The following GOLGA5 variants were observed in gnomAD, a reference collection of about 807,000 sequenced individuals.
GOLGA5 encodes the protein golgin A5, also known as golgin subfamily A member 5.
A neutral mutation model predicts 93.5 loss-of-function variants in GOLGA5; 50 were observed. That is an observed-to-expected ratio of 0.53 (90% CI 0.43 to 0.68). GOLGA5 has a LOEUF of 0.68. Ranked by LOEUF, GOLGA5 falls within the 30% of genes least tolerant of loss-of-function variation. GOLGA5 has a pLI of 0.00. For missense variants in GOLGA5, 760 were observed against 856.4 expected (o/e 0.89, Z 1.40); for synonymous variants, 312 against 304.5 (o/e 1.02, Z -0.26).
At position 92,816,425 on chromosome 14, in the gene GOLGA5, A is replaced by G; in HGVS notation, c.1491+4A>G. On this transcript the variant is annotated splice_donor_region_variant and intron_variant, in intron 7 of 12. Coordinates refer to ENST00000163416, the MANE Select transcript of GOLGA5 (RefSeq NM_005113.4). ...TCAGCTCAGATCCGAATTACAGGTA[A>G]GATTCATGGTGGTTCAGCTTAGTAG... 6.2e-7 allele frequency: 1 copy of G among 1,613,224 alleles called. No homozygotes were observed. The highest frequency in any genetic ancestry group is 8.5e-7 in the Non-Finnish European group (1 of 1,179,296).
At position 92,809,285 on chromosome 14, in the gene GOLGA5, T is replaced by G; in HGVS notation, c.773-15T>G. On this transcript the variant is annotated splice_polypyrimidine_tract_variant and intron_variant, in intron 3 of 12. Coordinates refer to ENST00000163416, the MANE Select transcript of GOLGA5 (RefSeq NM_005113.4). ...TTGGTTTTGCTTGTATAGAGAAATT[T>G]AAATTTTTTAATAGAATTAAACAAA... 1 of 1,566,408 alleles carries G rather than the reference T, an allele frequency of 6.4e-7. No homozygotes were observed. Among genetic ancestry groups the G allele is most frequent in the Non-Finnish European group, 8.8e-7 (1 of 1,139,056 alleles).
chr14:92,819,269 A>G (rs1885267218), intron 7 of GOLGA5, among the ~76,000 whole-genome samples: 1 of 152,176 alleles, frequency 6.6e-6, no homozygotes, highest in Admixed American at 6.5e-5. Context: ...TGAAGGTGTC[A>G]GGTTATATGC....
intron 6 of GOLGA5, among the ~76,000 whole-genome samples, chr14:92,812,142 C>T (rs745921920): frequency 1.3e-5 from 2 of 152,186 alleles, no homozygotes; most frequent in Non-Finnish European, 2.9e-5. Context: ...TCCTTCAGAT[C>T]TAAGGTGATC....
rs142072754 is a variant in GOLGA5 at position 92,835,565 on chromosome 14, G to T, written c.1952G>T (p.Arg651Leu). The T allele has an allele frequency of 6.2e-7, 1 of 1,607,184 alleles. No homozygotes were observed. Among genetic ancestry groups the T allele is most frequent in the Admixed American group, 1.7e-5 (1 of 59,950 alleles). ...TATTTTCTTATTTAAACAGGCACTC[G>T]TCTGCGAAATGTTCCTGTTCTTTTT... is the stretch of plus-strand genomic sequence containing the variant. Reference protein sequence around the residue: ...MSGIDNGEGTRLRNVPVLFND... With the variant: ...MSGIDNGEGTLLRNVPVLFND... The change falls in exon 11 of 13, where the codon CGT becomes CTT. Residue 651 changes from arginine (R) to leucine (L), a missense_variant. Coordinates refer to ENST00000163416, the MANE Select transcript of GOLGA5 (RefSeq NM_005113.4).
At position 92,806,083 on chromosome 14, in the gene GOLGA5, CTT is replaced by C. The variant is rs141293160; in HGVS notation, c.545-652_545-651del. 8.5e-3 allele frequency among the ~76,000 whole-genome samples: 1,287 copies of C among 151,414 alleles called. 16 individuals are homozygous for C. Among genetic ancestry groups the C allele is most frequent in the African/African-American group, 0.03 (1,227 of 41,218 alleles). On this transcript the variant is annotated intron_variant, in intron 2 of 12. Coordinates refer to ENST00000163416, the MANE Select transcript of GOLGA5 (RefSeq NM_005113.4). ...CTTCCCAATTTTTCAGTATTTGAGA[CTT>C]CTCCTGGTTTTTTTTCCCAAAAGCA...
intron 2 of GOLGA5, among the ~76,000 whole-genome samples, chr14:92,799,145 T>A (rs1884805250): frequency 6.6e-6 from 1 of 152,084 alleles, no homozygotes; most frequent in Non-Finnish European, 1.5e-5. Flanking sequence ...TTTTAAAAAA[T>A]TATTTTTAAT....
intron 9 of GOLGA5, 46 bp downstream of exon 9, chr14:92,824,690 G>T: frequency 1.0e-6 from 1 of 988,202 alleles, no homozygotes; most frequent in Non-Finnish European, 1.6e-6. Context: ...CACTGATAAA[G>T]CTACATTTTT....
In GOLGA5 at chr14:92,814,601, T is replaced by C. The variant is rs865802820; in HGVS notation, c.1321-1650T>C. Among the ~76,000 whole-genome samples the C allele has an allele frequency of 3.7e-4, 56 of 152,208 alleles. 1 individual carries two copies. Among genetic ancestry groups the C allele is most frequent in the Middle Eastern group, 6.8e-3 (2 of 294 alleles). On this transcript the variant is annotated intron_variant, in intron 6 of 12. Transcript: ENST00000163416. ...AATCTTAAAATGTTATAAATGATCA[T>C]GTTTATTATAGAAAATTTGAAGAAT...
intron 5 of GOLGA5, 72 bp downstream of exon 5, chr14:92,810,449 C>T: frequency 1.7e-5 from 19 of 1,140,538 alleles, no homozygotes; most frequent in Non-Finnish European, 2.3e-5. Flanking sequence ...TGTTTCATAG[C>T]ACATTAACTG....
intron 2 of GOLGA5, 107 bp downstream of exon 2, chr14:92,798,088 G>A: frequency 1.3e-6 from 1 of 758,520 alleles, no homozygotes; most frequent in Non-Finnish European, 2.2e-6. Flanking sequence ...GTCTCCACTG[G>A]TGTAAGGGCA....
At chr14:92,798,260 A>T (rs1595588261) in intron 2 of GOLGA5, among the ~76,000 whole-genome samples, 1 of 152,196 alleles carries the variant, frequency 6.6e-6, no homozygotes, top group African/African-American at 2.4e-5. Flanking sequence ...TTTTAAGATT[A>T]AAAAAAGAAA....
chr14:92,795,010 G>T (rs1884692110), intron 1 of GOLGA5, among the ~76,000 whole-genome samples: 1 of 152,252 alleles, frequency 6.6e-6, no homozygotes, highest in Non-Finnish European at 1.5e-5. Context: ...GACATTAATT[G>T]CAACATTAGT....
chr14:92,817,687 A>G (rs1169509993), intron 7 of GOLGA5, among the ~76,000 whole-genome samples: 1 of 152,186 alleles, frequency 6.6e-6, no homozygotes, highest in Non-Finnish European at 1.5e-5. Context: ...TCCATGCATT[A>G]ACTCTGCACA....
intron 2 of GOLGA5, among the ~76,000 whole-genome samples, chr14:92,799,287 TC>T (rs372718120): frequency 0.016 from 2,217 of 142,078 alleles, 158 homozygotes; most frequent in Middle Eastern, 0.067. Flanking sequence ...TTTTTTTTTT[TC>T]TTTTTTGAGA....
At chr14:92,807,744 TAAG>T (rs1885018811) in intron 3 of GOLGA5, among the ~76,000 whole-genome samples, 1 of 152,060 alleles carries the variant, frequency 6.6e-6, no homozygotes, top group African/African-American at 2.4e-5. Flanking sequence ...AATAGGTAAT[TAAG>T]AAGGAAATAA....
At chr14:92,821,218 C>G (rs958088698) in intron 8 of GOLGA5, among the ~76,000 whole-genome samples, 2 of 152,140 alleles carry the variant, frequency 1.3e-5, no homozygotes, top group African/African-American at 4.8e-5. Flanking sequence ...TTTCTAGGAA[C>G]AGCAGTAAAT....
At position 92,816,339 on chromosome 14, in the gene GOLGA5, AACTTCG is replaced by A. The variant is rs764832639; in HGVS notation, c.1410_1415del (p.Leu471_Arg472del). ...ACTGCCAGTAGCATGGAGCTGGAAG[AACTTCG>A]GCATGAGAAAGAGATGCAGAGGGAG... On this transcript the variant is annotated inframe_deletion, in exon 7 of 13. Transcript: ENST00000163416. 8.1e-6 allele frequency: 13 copies of A among 1,613,930 alleles called. No individual in the cohort carries two copies. Among genetic ancestry groups the A allele is most frequent in the Non-Finnish European group, 1.1e-5 (13 of 1,179,882 alleles).
chr14:92,803,207 G>C (rs1228644397), intron 2 of GOLGA5, among the ~76,000 whole-genome samples: 2 of 151,836 alleles, frequency 1.3e-5, no homozygotes, highest in African/African-American at 4.8e-5. Context: ...AGGTAATTTT[G>C]TTCATTTTTT....
rs191772722 is a variant in GOLGA5, at chr14:92,823,641, C to T, written c.1621-905C>T. Among the ~76,000 whole-genome samples, 4 of 152,102 alleles carry T rather than the reference C, an allele frequency of 2.6e-5. No individual in the cohort carries two copies. The East Asian group carries it at 7.7e-4, about 29-fold the overall frequency. ...TGTTGCTCAGGCTGGTCTTGAACTC[C>T]TGGACTCAAGCAATTCACCCACTTC... On this transcript the variant is annotated intron_variant, in intron 8 of 12. Transcript: ENST00000163416.
Sources: gnomAD v4.1 joint callset for allele counts (sites outside exome capture counted in the v4.1 genomes callset) on GRCh38, gnomAD v4.1.1 for gene constraint, MANE v1.5 for transcripts, NCBI Gene and HGNC (gene_info 2026-07-23, HGNC 2026-07-21) for gene names.